The following WWOX variants were observed in gnomAD, a reference collection of about 807,000 sequenced individuals.
The protein encoded by WWOX is WW domain-containing oxidoreductase.
In WWOX, 69 loss-of-function variants were observed where a neutral mutation model predicts 46.2. That is an observed-to-expected ratio of 1.49 (90% CI 1.23 to 1.82). The LOEUF (loss-of-function observed/expected upper bound fraction) is 1.82, where lower values mean the gene tolerates loss of function less well. Among genes scored for constraint, WWOX ranks in the 40% most tolerant of loss-of-function variants. The pLI is 0.00. For missense variants in WWOX, 919 were observed against 542.6 expected (o/e 1.69, Z -6.89); for synonymous variants, 359 against 202.6 (o/e 1.77, Z -6.56).
At chr16:79,204,937 C>T (rs1005944408) in intron 8 of WWOX, 2 of 152,214 alleles carry the variant, frequency 1.3e-5, no homozygotes, top group African/African-American at 4.8e-5. Context: ...TTCGAGTCCA[C>T]CTCTTAAAAC....
chr16:79,056,730 C>T (rs940901551), intron 8 of WWOX, among the ~76,000 whole-genome samples: 1 of 152,210 alleles, frequency 6.6e-6, no homozygotes, highest in African/African-American at 2.4e-5. Context: ...GTCTTCTCTA[C>T]CGTATCCCTT....
At chr16:78,290,646 T>G (rs1354129952) in intron 5 of WWOX, among the ~76,000 whole-genome samples, 1 of 152,130 alleles carries the variant, frequency 6.6e-6, no homozygotes, top group East Asian at 1.9e-4. Context: ...CGTGTCGGAC[T>G]TTAGTCCATT....
At position 78,715,904 on chromosome 16, in the gene WWOX, G is replaced by A. The variant is rs1597483449; in HGVS notation, c.1056+283152G>A. On this transcript the variant is annotated intron_variant, in intron 8 of 8. Coordinates refer to ENST00000566780, the MANE Select transcript of WWOX (RefSeq NM_016373.4). ...GCTGCAAGGAATGCTGGGATACGAT[G>A]GAAGCCTGCCAGAGGTAGAGCCTTG... 2.0e-5 allele frequency among the ~76,000 whole-genome samples: 3 copies of A among 152,188 alleles called. No individual in the cohort carries two copies. The South Asian group carries it at 6.2e-4, about 32-fold the overall frequency.
chr16:78,175,205 T>G (rs1978483), intron 5 of WWOX, among the ~76,000 whole-genome samples: 130,430 of 151,730 alleles, frequency 0.86, 56,187 homozygotes, highest in East Asian at 0.98. Context: ...AGTAGGGGTG[T>G]CAGAGCCTAC....
chr16:79,192,732 T>G (rs893060723), intron 8 of WWOX, among the ~76,000 whole-genome samples: 2 of 152,310 alleles, frequency 1.3e-5, no homozygotes, highest in African/African-American at 4.8e-5. Flanking sequence ...TTGCTTATTC[T>G]CAGCACAAAA....
At chr16:78,573,345 C>G (rs1304866990) in intron 8 of WWOX, among the ~76,000 whole-genome samples, 3 of 152,138 alleles carry the variant, frequency 2.0e-5, no homozygotes, top group African/African-American at 7.2e-5. Context: ...ACCTTGAAAC[C>G]AAAATAGGTA....
At chr16:78,914,611 G>A (rs376532027) in intron 8 of WWOX, among the ~76,000 whole-genome samples, 13 of 152,054 alleles carry the variant, frequency 8.5e-5, no homozygotes, top group South Asian at 4.1e-4. Context: ...CGGGAGCAGC[G>A]GCTCACACCT....
chr16:78,521,424 A>G (rs2043345755), intron 8 of WWOX, among the ~76,000 whole-genome samples: 1 of 152,116 alleles, frequency 6.6e-6, no homozygotes, highest in Non-Finnish European at 1.5e-5. Context: ...AATATCAGAA[A>G]CAGAGATGAG....
At chr16:78,870,643 C>T (rs566850130) in intron 8 of WWOX, among the ~76,000 whole-genome samples, 5 of 152,114 alleles carry the variant, frequency 3.3e-5, no homozygotes, top group Non-Finnish European at 4.4e-5. Flanking sequence ...ACTCTGTTGC[C>T]CAGGCTGGAG....
Position 78,129,273 on chromosome 16 carries a change from G to A in WWOX, c.409+14119G>A, listed in dbSNP as rs202052438. ...GACGCTGTTAGTGATTGACTTACCC[G>A]AGTGTACACATGTTTGCATCTCACT... On this transcript the variant is annotated intron_variant, in intron 4 of 8. Transcript: ENST00000566780. Among the ~76,000 whole-genome samples, 11 of 148,130 alleles carry A rather than the reference G, an allele frequency of 7.4e-5. No homozygotes were observed. In the East Asian group the frequency reaches 1.8e-3, roughly 25 times the overall value.
Position 78,320,656 on chromosome 16 carries a change from TC to T in WWOX, c.517-66203del, listed in dbSNP as rs2080447278. Among the ~76,000 whole-genome samples, 3 of 152,300 alleles carry T rather than the reference TC, an allele frequency of 2.0e-5. No homozygotes were observed. The South Asian group carries it at 6.2e-4, about 32-fold the overall frequency. On this transcript the variant is annotated intron_variant, in intron 5 of 8. Coordinates refer to ENST00000566780, the MANE Select transcript of WWOX (RefSeq NM_016373.4). The stretch of plus-strand genomic sequence containing the variant: ...GGCTGCACCTAGGGGAAGCCAAACA[TC>T]TGGATGAAGAATGAAATATCCAGAT...
At chr16:78,307,791 C>G (rs1281519278) in intron 5 of WWOX, among the ~76,000 whole-genome samples, 1 of 152,124 alleles carries the variant, frequency 6.6e-6, no homozygotes, top group African/African-American at 2.4e-5. Context: ...GGAGGTTTTG[C>G]AGATTGCTGC....
chr16:78,330,829 C>T (rs993690899), intron 5 of WWOX, among the ~76,000 whole-genome samples: 1 of 152,236 alleles, frequency 6.6e-6, no homozygotes, highest in African/African-American at 2.4e-5. Flanking sequence ...TACTTTCAAA[C>T]TTCCTCCTGG....
At chr16:78,678,069 A>G (rs1008485460) in intron 8 of WWOX, among the ~76,000 whole-genome samples, 2 of 152,074 alleles carry the variant, frequency 1.3e-5, no homozygotes, top group African/African-American at 2.4e-5. Context: ...TCTCTGTTTA[A>G]TCTGTCTACT....
chr16:78,316,590 G>A (rs553894092), intron 5 of WWOX, among the ~76,000 whole-genome samples: 9 of 152,192 alleles, frequency 5.9e-5, no homozygotes, highest in African/African-American at 1.7e-4. Context: ...TGTTCTGCCC[G>A]TCTCGGCCTC....
At chr16:78,557,546 G>A (rs772685856) in intron 8 of WWOX, among the ~76,000 whole-genome samples, 14 of 152,068 alleles carry the variant, frequency 9.2e-5, no homozygotes, top group Non-Finnish European at 1.3e-4. Context: ...CGTTTTTGTC[G>A]TCTTTGAGTT....
chr16:79,035,248 C>T (rs2047842959), intron 8 of WWOX, among the ~76,000 whole-genome samples: 1 of 152,166 alleles, frequency 6.6e-6, no homozygotes, highest in Non-Finnish European at 1.5e-5. Flanking sequence ...ACGTACCTTC[C>T]AGAATCATTG....
chr16:78,470,768 A>G (rs1004758282), intron 8 of WWOX, among the ~76,000 whole-genome samples: 1 of 152,046 alleles, frequency 6.6e-6, no homozygotes, highest in African/African-American at 2.4e-5. Flanking sequence ...ACCTCAGGTG[A>G]TTGACCTACC....
chr16:78,390,807 G>A (rs2082159709), intron 6 of WWOX, among the ~76,000 whole-genome samples: 1 of 152,156 alleles, frequency 6.6e-6, no homozygotes, highest in Non-Finnish European at 1.5e-5. Context: ...AATGACAAAT[G>A]AAAGAAAGGC....
Sources: allele counts gnomAD v4.1 joint callset (sites outside exome capture counted in the v4.1 genomes callset), GRCh38; gene constraint gnomAD v4.1.1; transcripts MANE v1.5; gene names NCBI Gene and HGNC (gene_info 2026-07-23, HGNC 2026-07-21).